The following DPYD variants were observed in gnomAD, a reference collection of about 807,000 sequenced individuals.
DPYD encodes dihydropyrimidine dehydrogenase.
Under a neutral mutation model 116.2 loss-of-function variants are expected in DPYD, and 109 were observed. The observed-to-expected ratio is 0.94, with a 90% CI of 0.80 to 1.10. DPYD has a LOEUF of 1.10. DPYD is among the 50% of genes least tolerant of loss of function. DPYD has a pLI of 0.00. For missense variants in DPYD, 1,302 were observed against 1,254.5 expected (o/e 1.04, Z -0.57); for synonymous variants, 440 against 432.0 (o/e 1.02, Z -0.23).
At chr1:97,543,090 A>T (rs1650575403) in intron 12 of DPYD, among the ~76,000 whole-genome samples, 1 of 152,172 alleles carries the variant, frequency 6.6e-6, no homozygotes, top group Non-Finnish European at 1.5e-5. Flanking sequence ...CTTCTGCAAG[A>T]CCCAAGAAGA....
At chr1:97,204,152 G>A (rs1659439352) in intron 19 of DPYD, among the ~76,000 whole-genome samples, 1 of 152,066 alleles carries the variant, frequency 6.6e-6, no homozygotes, top group Non-Finnish European at 1.5e-5. Flanking sequence ...ATTTATGGGA[G>A]GGCTAGAGAA....
intron 3 of DPYD, among the ~76,000 whole-genome samples, chr1:97,767,208 A>G (rs1324694967): frequency 6.6e-6 from 1 of 152,136 alleles, no homozygotes; most frequent in African/African-American, 2.4e-5. Context: ...ACTGGATTCA[A>G]TTTCTGGGTT....
At chr1:97,693,711 AAAGAATTCC>A (rs1661152882) in intron 6 of DPYD, among the ~76,000 whole-genome samples, 1 of 152,194 alleles carries the variant, frequency 6.6e-6, no homozygotes, top group South Asian at 2.1e-4. Flanking sequence ...GACTATGAAC[AAAGAATTCC>A]AGCCAAATAA....
intron 2 of DPYD, among the ~76,000 whole-genome samples, chr1:97,828,563 T>TA (rs1669364912): frequency 6.6e-6 from 1 of 152,036 alleles, no homozygotes; most frequent in South Asian, 2.1e-4. Context: ...CAATTTAAAC[T>TA]CAAAAGAGAA....
At chr1:97,171,591 T>C (rs1405741096) in intron 20 of DPYD, among the ~76,000 whole-genome samples, 2 of 152,172 alleles carry the variant, frequency 1.3e-5, no homozygotes, top group Non-Finnish European at 2.9e-5. Context: ...AACTTCCTAA[T>C]CCCTCCAAGC....
At position 97,515,889 on chromosome 1, in the gene DPYD, G is replaced by C. The variant is rs190951787; in HGVS notation, c.1577C>G (p.Thr526Ser). Residue 526 changes from threonine (T) to serine (S), a missense_variant, in exon 13 of 23, where the codon ACT becomes AGT. By Grantham distance (58) the Thr-to-Ser change is moderately conservative. Coordinates refer to ENST00000370192, the MANE Select transcript of DPYD (RefSeq NM_000110.4). ...SAKPELPLFYTPIDLVDISVE... is the reference protein window; with the variant it reads ...SAKPELPLFYSPIDLVDISVE... ...ACTAATGTCCACCAGATCAATAGGA[G>C]TGTAAAAGAGGGGTAGTTCAGGCTT... The C allele has an allele frequency of 3.7e-6, 6 of 1,612,846 alleles. No homozygotes were observed. Among genetic ancestry groups the C allele is most frequent in the Admixed American group, 3.3e-5 (2 of 59,852 alleles).
chr1:97,544,921 C>T (rs2102066858), intron 12 of DPYD, among the ~76,000 whole-genome samples: 1 of 152,294 alleles, frequency 6.6e-6, no homozygotes, highest in East Asian at 1.9e-4. Flanking sequence ...CACTGGGCTT[C>T]ATCTGGTCTA....
intron 16 of DPYD, among the ~76,000 whole-genome samples, chr1:97,341,075 G>A (rs1669565557): frequency 6.6e-6 from 1 of 152,146 alleles, no homozygotes; most frequent in Non-Finnish European, 1.5e-5. Context: ...TGAAGGAGGA[G>A]TACCATGACA....
At chr1:97,195,569 C>CATATATATAT (rs1200424384) in intron 19 of DPYD, among the ~76,000 whole-genome samples, 1 of 37,376 alleles carries the variant, frequency 2.7e-5, no homozygotes, top group Admixed American at 4.1e-4. Context: ...ACAGAACTCT[C>CATATATATAT]ATATATATAT....
At chr1:97,467,741 G>T (rs771329283) in intron 13 of DPYD, among the ~76,000 whole-genome samples, 71 of 152,128 alleles carry the variant, frequency 4.7e-4, no homozygotes, top group Non-Finnish European at 9.3e-4. Flanking sequence ...GCAAACTTTT[G>T]ACCTGCATCT....
chr1:97,250,355 AC>A (rs1663005930), intron 18 of DPYD, among the ~76,000 whole-genome samples: 1 of 152,220 alleles, frequency 6.6e-6, no homozygotes, highest in African/African-American at 2.4e-5. Flanking sequence ...AAAATGACAT[AC>A]ATCTATCCTA....
At chr1:97,525,089 G>A (rs991612087) in intron 12 of DPYD, among the ~76,000 whole-genome samples, 1 of 152,002 alleles carries the variant, frequency 6.6e-6, no homozygotes, top group Non-Finnish European at 1.5e-5. Context: ...AATATATTAC[G>A]TTTCTCATCT....
At chr1:97,698,827 G>T (rs902451486) in intron 6 of DPYD, among the ~76,000 whole-genome samples, 1 of 151,634 alleles carries the variant, frequency 6.6e-6, no homozygotes, top group Non-Finnish European at 1.5e-5. Flanking sequence ...AAATTTTCAT[G>T]GGAATAATAT....
chr1:97,092,265 C>T (rs1649946056), intron 21 of DPYD, among the ~76,000 whole-genome samples: 1 of 152,100 alleles, frequency 6.6e-6, no homozygotes, highest in African/African-American at 2.4e-5. Context: ...TGCTATAGTA[C>T]CGGAACATAG....
At chr1:97,269,588 G>T (rs1167647148) in intron 18 of DPYD, among the ~76,000 whole-genome samples, 1 of 152,118 alleles carries the variant, frequency 6.6e-6, no homozygotes, top group Non-Finnish European at 1.5e-5. Flanking sequence ...TAGTTCCAAA[G>T]GCTGGGAAGT....
chr1:97,624,213 T>C lies in DPYD; in HGVS notation c.851-29047A>G, dbSNP rs117211594. On this transcript the variant is annotated intron_variant, in intron 8 of 22. Transcript: ENST00000370192. ...CAACTTACAGATCAAGAGAAAATAT[T>C]TGAAAGCTGTACCTCAGATAAGGAG... Among the ~76,000 whole-genome samples the C allele has an allele frequency of 2.3e-3, 351 of 152,100 alleles. 3 individuals are homozygous for C. The East Asian group carries it at 0.025, about 11-fold the overall frequency.
intron 3 of DPYD, among the ~76,000 whole-genome samples, chr1:97,817,159 C>A (rs1412493767): frequency 6.6e-6 from 1 of 152,036 alleles, no homozygotes; most frequent in Non-Finnish European, 1.5e-5. Context: ...TGCCTTTGTA[C>A]AACATCAGCA....
intron 8 of DPYD, among the ~76,000 whole-genome samples, chr1:97,615,229 T>C (rs1044515106): frequency 6.6e-6 from 1 of 152,128 alleles, no homozygotes; most frequent in Admixed American, 6.6e-5. Flanking sequence ...ACACAACAAA[T>C]TCAAGATGTC....
chr1:97,279,386 G>A (rs1353848325), intron 18 of DPYD, among the ~76,000 whole-genome samples: 1 of 152,142 alleles, frequency 6.6e-6, no homozygotes, highest in Non-Finnish European at 1.5e-5. Flanking sequence ...GAGGCACAGT[G>A]GGTGAAATGT....
Sources: gnomAD v4.1 joint callset for allele counts (sites outside exome capture counted in the v4.1 genomes callset) on GRCh38, gnomAD v4.1.1 for gene constraint, MANE v1.5 for transcripts, NCBI Gene and HGNC (gene_info 2026-07-23, HGNC 2026-07-21) for gene names.